The following CCDC69 variants were observed in gnomAD, a reference collection of about 807,000 sequenced individuals.
CCDC69 encodes the protein coiled-coil domain-containing protein 69.
CCDC69 carries 38 observed loss-of-function variants against 40.3 expected under a neutral mutation model. The ratio of observed to expected loss-of-function variants is 0.94; its 90% CI spans 0.73 to 1.24. CCDC69 has a LOEUF of 1.24. Ranked by LOEUF, CCDC69 falls within the 50% of genes most tolerant of loss-of-function variation. The probability of loss-of-function intolerance (pLI) is 0.00; values close to 1 mark genes in which losing one functional copy is unlikely to be tolerated. For synonymous variants in CCDC69, 141 were observed against 138.9 expected, an observed-to-expected ratio of 1.02 and a Z score of -0.11; for missense variants, 389 against 357.9, an observed-to-expected ratio of 1.09 and a Z score of -0.70.
chr5:151,200,391 G>A (rs13181806), intron 3 of CCDC69, among the ~76,000 whole-genome samples: 6,984 of 152,120 alleles, frequency 0.046, 241 homozygotes, highest in East Asian at 0.1. Context: ...TGCCTGCCTC[G>A]GCCTCCCAAA....
intron 6 of CCDC69, 56 bp downstream of exon 6, chr5:151,185,967 G>A: frequency 8.2e-7 from 1 of 1,225,710 alleles, no homozygotes; most frequent in Non-Finnish European, 1.2e-6. Context: ...CTGTTGCCCG[G>A]CCCTGACCTC....
chr5:151,216,663 G>T (rs149833481), intron 1 of CCDC69, among the ~76,000 whole-genome samples: 4 of 151,918 alleles, frequency 2.6e-5, no homozygotes, highest in Non-Finnish European at 5.9e-5. Context: ...TGATCCGCCC[G>T]CCTCAGTCTC....
chr5:151,210,637 G>C (rs567322090), intron 1 of CCDC69: 5 of 152,026 alleles, frequency 3.3e-5, no homozygotes, highest in South Asian at 2.1e-4. Context: ...ATATTGGAAG[G>C]TTCGACCAAT....
intron 2 of CCDC69, among the ~76,000 whole-genome samples, chr5:151,204,850 T>C (rs1433379561): frequency 1.3e-5 from 2 of 152,142 alleles, no homozygotes; most frequent in South Asian, 2.1e-4. Flanking sequence ...TTTATATATA[T>C]GTATATATTT....
chr5:151,191,681 C>A (rs1752612947), intron 4 of CCDC69, among the ~76,000 whole-genome samples: 1 of 152,014 alleles, frequency 6.6e-6, no homozygotes, highest in Non-Finnish European at 1.5e-5. Context: ...GAAAATAAAA[C>A]CATCAATATG....
intron 5 of CCDC69, among the ~76,000 whole-genome samples, chr5:151,187,099 T>G (rs896643715): frequency 6.6e-6 from 1 of 152,210 alleles, no homozygotes; most frequent in Admixed American, 6.5e-5. Flanking sequence ...CAGGTCCCTG[T>G]GCATCCACCC....
At chr5:151,201,747 C>A in intron 2 of CCDC69, 59 bp from the exon 3 acceptor site, 2 of 1,065,162 alleles carry the variant, frequency 1.9e-6, no homozygotes, top group South Asian at 1.4e-5. Flanking sequence ...GAAGTACAGT[C>A]AGAGCTGGCA....
intron 7 of CCDC69, chr5:151,184,738 C>T: frequency 4.0e-6 from 1 of 248,986 alleles, no homozygotes; most frequent in Admixed American, 5.0e-5. Context: ...AGGATATGAT[C>T]TATATAAATA....
chr5:151,213,765 G>A (rs1752990096), intron 1 of CCDC69, among the ~76,000 whole-genome samples: 1 of 152,204 alleles, frequency 6.6e-6, no homozygotes, highest in Non-Finnish European at 1.5e-5. Flanking sequence ...CAAGGCTTGT[G>A]TATTTCTGAT....
At chr5:151,219,387 C>T (rs1234511893) in intron 1 of CCDC69, among the ~76,000 whole-genome samples, 2 of 152,006 alleles carry the variant, frequency 1.3e-5, no homozygotes, top group Admixed American at 6.6e-5. Context: ...CCCCCCGAGT[C>T]CAAAGCCACA....
At chr5:151,187,621 G>A (rs1752543224) in intron 4 of CCDC69, among the ~76,000 whole-genome samples, 162 bp from the exon 5 acceptor site, 1 of 152,088 alleles carries the variant, frequency 6.6e-6, no homozygotes, top group Non-Finnish European at 1.5e-5. Flanking sequence ...GCTTGCTTGG[G>A]GGCTGTGCCA....
intron 2 of CCDC69, among the ~76,000 whole-genome samples, chr5:151,204,766 A>T (rs1420123872): frequency 1.3e-5 from 2 of 152,206 alleles, no homozygotes; most frequent in East Asian, 3.8e-4. Flanking sequence ...TACTCATTTG[A>T]AAAAGAAAAT....
intron 4 of CCDC69, among the ~76,000 whole-genome samples, chr5:151,188,147 A>G (rs1039470687): frequency 6.6e-6 from 1 of 152,204 alleles, no homozygotes; most frequent in Non-Finnish European, 1.5e-5. Context: ...TGTATGTATC[A>G]TCCCATCTCC....
intron 1 of CCDC69, among the ~76,000 whole-genome samples, chr5:151,217,099 C>T (rs1431016668): frequency 6.6e-6 from 1 of 152,182 alleles, no homozygotes; most frequent in Admixed American, 6.5e-5. Flanking sequence ...ATGATAAATA[C>T]TCGAGGTGAT....
chr5:151,190,536 G>C (rs1752594911), intron 4 of CCDC69, among the ~76,000 whole-genome samples: 1 of 151,842 alleles, frequency 6.6e-6, no homozygotes, highest in Non-Finnish European at 1.5e-5. Context: ...CCTGGTGGTG[G>C]GTGCCTGTAA....
intron 2 of CCDC69, among the ~76,000 whole-genome samples, chr5:151,202,337 C>T (rs1047247750): frequency 2.4e-4 from 36 of 152,030 alleles, no homozygotes; most frequent in Non-Finnish European, 3.5e-4. Context: ...CTCCAGTCTG[C>T]GCAACAGAGC....
chr5:151,190,798 T>C (rs1259079206), intron 4 of CCDC69, among the ~76,000 whole-genome samples: 1 of 126,870 alleles, frequency 7.9e-6, no homozygotes, highest in Non-Finnish European at 1.7e-5. Context: ...CACTAAAAAA[T>C]GTTCAAATAC....
At chr5:151,185,614 T>G in intron 6 of CCDC69, 73 bp from the exon 7 acceptor site, 4 of 1,534,346 alleles carry the variant, frequency 2.6e-6, no homozygotes, top group Non-Finnish European at 3.6e-6. Context: ...AGCAACTCAT[T>G]GTTGGACTTT....
chr5:151,195,283 T>A (rs1170340194), intron 4 of CCDC69, among the ~76,000 whole-genome samples: 2 of 152,218 alleles, frequency 1.3e-5, no homozygotes, highest in Admixed American at 6.5e-5. Context: ...AAAAATAATA[T>A]CAAAGCAATG....
Sources: allele counts gnomAD v4.1 joint callset (sites outside exome capture counted in the v4.1 genomes callset), GRCh38; gene constraint gnomAD v4.1.1; transcripts MANE v1.5; gene names NCBI Gene and HGNC (gene_info 2026-07-23, HGNC 2026-07-21).